Variants in NBAS observed in about 807,000 individuals in gnomAD.
NBAS encodes NBAS subunit of NRZ tethering complex.
NBAS carries 219 observed loss-of-function variants against 302.5 expected under a neutral mutation model. The ratio of observed to expected loss-of-function variants is 0.72; its 90% CI spans 0.65 to 0.81. NBAS has a LOEUF of 0.81. Among genes scored for constraint, NBAS ranks in the 30% least tolerant of loss-of-function variants. NBAS has a pLI of 0.00. For synonymous variants in NBAS, 1,118 were observed against 1,021.6 expected (o/e 1.09, Z -1.80); for missense variants, 2,932 against 2,841.6 (o/e 1.03, Z -0.72).
chr2:15,414,459 G>C (rs768429499), intron 25 of NBAS, among the ~76,000 whole-genome samples: 1 of 152,174 alleles, frequency 6.6e-6, no homozygotes, highest in Non-Finnish European at 1.5e-5. Context: ...CCAATGGAAA[G>C]GGAGACACTA....
At chr2:15,106,335 G>C in the NBAS span, among the ~76,000 whole-genome samples, 1 of 152,104 alleles carries the variant, frequency 6.6e-6, no homozygotes, top group Non-Finnish European at 1.5e-5. Context: ...ACAACACTTA[G>C]AGGATGAGAC....
At chr2:15,538,610 T>C (rs1364420561) in intron 7 of NBAS, among the ~76,000 whole-genome samples, 2 of 152,180 alleles carry the variant, frequency 1.3e-5, no homozygotes, top group Non-Finnish European at 2.9e-5. Flanking sequence ...TCTGACCCTG[T>C]ATCTCGTTCA....
chr2:14,883,829 C>T, the NBAS span, among the ~76,000 whole-genome samples: 1 of 151,950 alleles, frequency 6.6e-6, no homozygotes, highest in Non-Finnish European at 1.5e-5. Context: ...GGCGTGGTGG[C>T]ACACTCCTAT....
intron 32 of NBAS, among the ~76,000 whole-genome samples, chr2:15,361,550 C>A (rs1221344155): frequency 1.3e-5 from 2 of 151,916 alleles, no homozygotes; most frequent in Non-Finnish European, 2.9e-5. Context: ...AGATTAAATT[C>A]GGAATGTTAT....
chr2:15,331,108 C>G (rs1031883896), intron 35 of NBAS, among the ~76,000 whole-genome samples: 2 of 152,006 alleles, frequency 1.3e-5, no homozygotes, highest in Non-Finnish European at 2.9e-5. Context: ...TATTTGTTTC[C>G]TTGACAATAC....
At chr2:15,451,051 C>A (rs915542599) in intron 21 of NBAS, among the ~76,000 whole-genome samples, 1 of 151,780 alleles carries the variant, frequency 6.6e-6, no homozygotes, top group Non-Finnish European at 1.5e-5. Context: ...TTCATTCATC[C>A]ATTTATTTAT....
chr2:15,136,175 T>C, the NBAS span, among the ~76,000 whole-genome samples: 1 of 152,334 alleles, frequency 6.6e-6, no homozygotes, highest in South Asian at 2.1e-4. Flanking sequence ...TCTCTCTATA[T>C]AGCCTATTTT....
At chr2:14,956,874 T>G in the NBAS span, among the ~76,000 whole-genome samples, 1 of 152,156 alleles carries the variant, frequency 6.6e-6, no homozygotes, top group African/African-American at 2.4e-5. Context: ...GGTTGAGGTA[T>G]GCTCCCCCAA....
At chr2:15,105,885 A>C in the NBAS span, among the ~76,000 whole-genome samples, 17 of 152,220 alleles carry the variant, frequency 1.1e-4, no homozygotes, top group Non-Finnish European at 2.2e-4. Context: ...AGGAGCTAAG[A>C]CTTGTTTGGA....
intron 48 of NBAS, among the ~76,000 whole-genome samples, chr2:15,192,097 C>G (rs1177956436): frequency 6.6e-6 from 1 of 152,250 alleles, no homozygotes; most frequent in African/African-American, 2.4e-5. Flanking sequence ...CTCCTTCACC[C>G]TGTTTCATTT....
chr2:15,356,908 C>A (rs1029125332), intron 32 of NBAS, among the ~76,000 whole-genome samples: 4 of 152,338 alleles, frequency 2.6e-5, no homozygotes, highest in African/African-American at 9.6e-5. Flanking sequence ...TGTTCCTTAA[C>A]AAATTCTCGT....
chr2:14,947,090 A>G, the NBAS span, among the ~76,000 whole-genome samples: 2 of 152,140 alleles, frequency 1.3e-5, no homozygotes, highest in Non-Finnish European at 1.5e-5. Context: ...TCAACAGCCT[A>G]ACAGTACACC....
chr2:15,038,794 C>G, the NBAS span, among the ~76,000 whole-genome samples: 1 of 152,184 alleles, frequency 6.6e-6, no homozygotes, highest in African/African-American at 2.4e-5. Flanking sequence ...TAATTTGGCC[C>G]GTAGCCACTC....
intron 48 of NBAS, among the ~76,000 whole-genome samples, chr2:15,213,937 C>A (rs573699449): frequency 6.6e-5 from 10 of 152,324 alleles, no homozygotes; most frequent in African/African-American, 2.4e-4. Context: ...CATATTGGGA[C>A]AAACATGCTG....
rs1305522327 is a variant in NBAS at position 15,510,070 on chromosome 2, GA to G, written c.885+1141del. ...TCACCATGTTGCTCAGGCTGGTCTT[GA>G]ACTCCTGACCTCGTGATCCACCCAC... On this transcript the variant is annotated intron_variant, in intron 10 of 51. Transcript: ENST00000281513. 3.3e-5 allele frequency among the ~76,000 whole-genome samples: 5 copies of G among 152,164 alleles called. No homozygotes were observed. In the East Asian group the frequency reaches 9.6e-4, roughly 29 times the overall value.
the NBAS span, among the ~76,000 whole-genome samples, chr2:15,093,698 T>G: frequency 6.6e-6 from 1 of 151,606 alleles, no homozygotes; most frequent in Non-Finnish European, 1.5e-5. Flanking sequence ...CCAACACTGG[T>G]TAAATAATGT....
rs1248288540 is a variant in NBAS, at chr2:15,218,704, A to G, written c.6432+69T>C. 8.1e-6 allele frequency: 13 copies of G among 1,601,388 alleles called. No individual in the cohort carries two copies. In the Admixed American group the frequency reaches 1.7e-4, roughly 21 times the overall value. On this transcript the variant is annotated intron_variant, in intron 48 of 51. Coordinates refer to ENST00000281513, the MANE Select transcript of NBAS (RefSeq NM_015909.4). ...TGGCCTCCCACAATGCTGGGATTAC[A>G]GGCGTGAGCAACCGCGTCCGGCCTA...
intron 47 of NBAS, among the ~76,000 whole-genome samples, chr2:15,219,853 C>T (rs1280826997): frequency 7.1e-6 from 1 of 140,530 alleles, no homozygotes; most frequent in Non-Finnish European, 1.5e-5. Flanking sequence ...ACCTCCCAGA[C>T]GGGGTCGTGG....
the NBAS span, among the ~76,000 whole-genome samples, chr2:15,037,124 A>C: frequency 2.6e-5 from 4 of 152,314 alleles, no homozygotes; most frequent in South Asian, 8.3e-4. Context: ...GACCCACAGC[A>C]GAACTTCGTA....
Sources: gnomAD v4.1 joint callset for allele counts (sites outside exome capture counted in the v4.1 genomes callset) on GRCh38, gnomAD v4.1.1 for gene constraint, MANE v1.5 for transcripts, NCBI Gene and HGNC (gene_info 2026-07-23, HGNC 2026-07-21) for gene names.